The following ARHGAP6 variants were observed in gnomAD, a reference collection of about 807,000 sequenced individuals.
ARHGAP6 encodes Rho GTPase activating protein 6.
Under a neutral mutation model 55.7 loss-of-function variants are expected in ARHGAP6, and 16 were observed. The ratio of observed to expected loss-of-function variants is 0.29; its 90% CI spans 0.19 to 0.44. The LOEUF is 0.44. Among genes scored for constraint, ARHGAP6 ranks in the 20% least tolerant of loss-of-function variants. The probability of loss-of-function intolerance (pLI) is 1.00; values close to 1 mark genes in which losing one functional copy is unlikely to be tolerated. For synonymous variants in ARHGAP6, 382 were observed against 360.9 expected (o/e 1.06, Z -0.66); for missense variants, 698 against 808.9 (o/e 0.86, Z 1.66).
At chrX:11,358,629 G>A (rs753287259) in intron 1 of ARHGAP6, among the ~76,000 whole-genome samples, 1 of 110,021 alleles carries the variant, frequency 9.1e-6, no homozygotes, top group Non-Finnish European at 1.9e-5. Flanking sequence ...ACAGGCATAC[G>A]CCACCACACC....
intron 1 of ARHGAP6, among the ~76,000 whole-genome samples, chrX:11,588,726 G>A (rs1435184147): frequency 8.9e-6 from 1 of 112,084 alleles, no homozygotes; most frequent in Non-Finnish European, 1.9e-5. Context: ...TCAATCCATA[G>A]AGACAAAAAG....
intron 1 of ARHGAP6, among the ~76,000 whole-genome samples, chrX:11,546,094 G>T (rs2051209638): frequency 9.1e-6 from 1 of 109,907 alleles, no homozygotes; most frequent in South Asian, 3.9e-4. Flanking sequence ...ATGATTTAAG[G>T]GTTATTTCAT....
chrX:11,139,968 T>G (rs977540674), intron 12 of ARHGAP6, among the ~76,000 whole-genome samples: 4 of 111,643 alleles, frequency 3.6e-5, no homozygotes, highest in Admixed American at 9.5e-5. Context: ...ATGAAGTTAC[T>G]TGAATCTCAA....
chrX:11,144,029 C>G lies in ARHGAP6; in HGVS notation c.2127G>C (p.Leu709Phe). The G allele has an allele frequency of 8.3e-7, 1 of 1,211,773 alleles. No homozygotes were observed. Among genetic ancestry groups the G allele is most frequent in the East Asian group, 3.0e-5 (1 of 33,827 alleles). The stretch of plus-strand genomic sequence containing the variant: ...AACTTTCCCTTGACTTTGACGACGA[C>G]AAGTGGCCCACCAGCATAAACTGCC... ...VPGQFMLVGHLSSSKSRESSP... is the reference protein window; with the variant it reads ...VPGQFMLVGHFSSSKSRESSP... Residue 709 changes from leucine (L) to phenylalanine (F), a missense_variant, in exon 11 of 13, where the codon TTG becomes TTC. Transcript: ENST00000337414.
chrX:11,158,537 C>A (rs1043475249), intron 9 of ARHGAP6, among the ~76,000 whole-genome samples: 1 of 112,385 alleles, frequency 8.9e-6, no homozygotes, highest in African/African-American at 3.2e-5. Flanking sequence ...CAACAGCTTT[C>A]AAATTTGTCT....
chrX:11,620,935 C>T (rs1298127792), intron 1 of ARHGAP6, among the ~76,000 whole-genome samples: 3 of 112,106 alleles, frequency 2.7e-5, no homozygotes, highest in Admixed American at 9.5e-5. Flanking sequence ...ACCTAAAAAC[C>T]TACAGATTTA....
chrX:11,156,114 T>C (rs2045859556), intron 10 of ARHGAP6, among the ~76,000 whole-genome samples: 1 of 112,483 alleles, frequency 8.9e-6, no homozygotes, highest in South Asian at 3.7e-4. Context: ...TGTGGTTTGA[T>C]AATGGGTTAA....
chrX:11,571,562 G>C (rs1346909158), intron 1 of ARHGAP6, among the ~76,000 whole-genome samples: 1 of 109,898 alleles, frequency 9.1e-6, no homozygotes, highest in Non-Finnish European at 1.9e-5. Flanking sequence ...AATCACATTA[G>C]TCCTTTAAAA....
At chrX:11,557,358 A>G (rs1390481005) in intron 1 of ARHGAP6, among the ~76,000 whole-genome samples, 2 of 111,852 alleles carry the variant, frequency 1.8e-5, no homozygotes, top group Admixed American at 9.5e-5. Flanking sequence ...ATAAAATACT[A>G]AGAGTTTGTA....
At position 11,139,336 on chromosome X, in the gene ARHGAP6, C is replaced by T. The variant is rs1433070766; in HGVS notation, c.2452G>A (p.Ala818Thr). The T allele has an allele frequency of 1.4e-5, 17 of 1,176,918 alleles. No individual in the cohort carries two copies. The highest frequency in any genetic ancestry group is 3.2e-5 in the East Asian group (1 of 31,677). The change falls in exon 13 of 13, where the codon GCC (alanine) becomes ACC (threonine). Residue 818 changes from alanine (A) to threonine (T), a missense_variant. Physicochemically the swap from Ala to Thr is moderately conservative, Grantham distance 58. This residue lies in a region of ARHGAP6 where 212 missense variants were observed against 208.7 expected (regional missense o/e 1.02). Transcript: ENST00000337414. ...ACCTGGACGTGGGGCGTGCTGCAGG[C>T]GCGCGACACCGCAGGGTGGGCCCTG... Reference protein sequence around the residue: ...EGRAHPAVSRACSTPHVQVAG... With the variant: ...EGRAHPAVSRTCSTPHVQVAG...
intron 1 of ARHGAP6, among the ~76,000 whole-genome samples, chrX:11,589,498 T>C (rs1280922498): frequency 1.8e-5 from 2 of 108,474 alleles, no homozygotes; most frequent in African/African-American, 6.7e-5. Context: ...AGTTTGTAAG[T>C]AGATTAAACT....
intron 1 of ARHGAP6, among the ~76,000 whole-genome samples, chrX:11,544,131 A>C (rs952450279): frequency 1.6e-4 from 18 of 112,345 alleles, no homozygotes; most frequent in African/African-American, 5.8e-4. Context: ...ATTTGGGATA[A>C]TCATGACACA....
At chrX:11,527,245 C>G (rs887247340) in intron 1 of ARHGAP6, among the ~76,000 whole-genome samples, 1 of 111,458 alleles carries the variant, frequency 9.0e-6, no homozygotes, top group Non-Finnish European at 1.9e-5. Context: ...GTAAAACAAG[C>G]TTTTTAATAT....
chrX:11,249,651 A>C (rs920096449), intron 2 of ARHGAP6, among the ~76,000 whole-genome samples: 1 of 111,621 alleles, frequency 9.0e-6, no homozygotes, highest in African/African-American at 3.2e-5. Context: ...ATCTATTTAT[A>C]CCACTTGTAT....
At chrX:11,642,116 T>C (rs1464183515) in intron 1 of ARHGAP6, among the ~76,000 whole-genome samples, 1 of 111,810 alleles carries the variant, frequency 8.9e-6, no homozygotes, top group Non-Finnish European at 1.9e-5. Context: ...ACATCATATA[T>C]TGAATATTAA....
chrX:11,281,148 C>T (rs993684156), intron 1 of ARHGAP6, among the ~76,000 whole-genome samples: 9 of 111,540 alleles, frequency 8.1e-5, no homozygotes, highest in South Asian at 3.8e-4. Context: ...TCACGTTGAG[C>T]GAAAGAAGTC....
chrX:11,604,866 A>C (rs1407868654), intron 1 of ARHGAP6, among the ~76,000 whole-genome samples: 1 of 111,873 alleles, frequency 8.9e-6, no homozygotes, highest in Non-Finnish European at 1.9e-5. Flanking sequence ...CATATCCCTA[A>C]ATCAGCCAGT....
chrX:11,600,857 G>A (rs746975012), intron 1 of ARHGAP6, among the ~76,000 whole-genome samples: 110 of 112,065 alleles, frequency 9.8e-4, no homozygotes, highest in African/African-American at 3.4e-3. Context: ...CCCATTGTGG[G>A]CCACTGAGGT....
Position 11,169,684 on chromosome X carries a change from C to T in ARHGAP6, c.1630G>A (p.Val544Ile). The T allele has an allele frequency of 8.5e-7, 1 of 1,178,694 alleles. No homozygotes were observed. Among genetic ancestry groups the T allele is most frequent in the South Asian group, 2.0e-5 (1 of 51,039 alleles). Residue 544 changes from valine to isoleucine, a missense_variant and splice_region_variant, in exon 9 of 13, where the codon GTC (valine) becomes ATC (isoleucine). By Grantham distance (29) the Val-to-Ile change is conservative. This residue lies in a region of ARHGAP6 where 322 missense variants were observed against 451.1 expected (regional missense o/e 0.71). Coordinates refer to ENST00000337414, the MANE Select transcript of ARHGAP6 (RefSeq NM_013427.3). The part of the protein sequence containing the change: ...DDNISKDGQE[V>I]TGNKMTSLNL... ...AGAGATGTCATTTTATTCCCAGTGA[C>T]CTATAAGAGAACAGAACACAAGGAC...
Sources: allele counts gnomAD v4.1 joint callset (sites outside exome capture counted in the v4.1 genomes callset), GRCh38; gene constraint gnomAD v4.1.1; regional missense constraint gnomAD v4.1.1; transcripts MANE v1.5; gene names NCBI Gene and HGNC (gene_info 2026-07-23, HGNC 2026-07-21).